Variants in C8orf34 observed in about 807,000 individuals in gnomAD.
The protein encoded by C8orf34 is uncharacterized protein C8orf34.
Under a neutral mutation model 68.3 loss-of-function variants are expected in C8orf34, and 65 were observed. The ratio of observed to expected loss-of-function variants is 0.95; its 90% CI spans 0.78 to 1.17. The LOEUF is 1.17. C8orf34 is among the 50% of genes most tolerant of loss of function. The pLI is 0.00. For missense variants in C8orf34, 664 were observed against 655.4 expected, an observed-to-expected ratio of 1.01 and a Z score of -0.14; for synonymous variants, 244 against 241.2, an observed-to-expected ratio of 1.01 and a Z score of -0.11.
At chr8:68,714,162 G>A (rs568025869) in intron 9 of C8orf34, among the ~76,000 whole-genome samples, 31 of 152,222 alleles carry the variant, frequency 2.0e-4, no homozygotes, top group African/African-American at 7.2e-4. Context: ...AGCCATCTAT[G>A]ACAAACCCAT....
intron 7 of C8orf34, among the ~76,000 whole-genome samples, chr8:68,607,293 G>A (rs1444390346): frequency 6.6e-6 from 1 of 152,012 alleles, no homozygotes; most frequent in African/African-American, 2.4e-5. Flanking sequence ...CCATAATAAC[G>A]TACTGTAGGG....
intron 7 of C8orf34, among the ~76,000 whole-genome samples, chr8:68,584,435 G>A (rs1325739694): frequency 6.6e-6 from 1 of 152,138 alleles, no homozygotes; most frequent in East Asian, 1.9e-4. Context: ...GAGATACATA[G>A]CTTTCTACGG....
At chr8:68,747,885 C>A (rs888159904) in intron 10 of C8orf34, among the ~76,000 whole-genome samples, 1 of 152,134 alleles carries the variant, frequency 6.6e-6, no homozygotes, top group African/African-American at 2.4e-5. Context: ...GAAAAAACTA[C>A]TTTAATGTTC....
At chr8:68,354,572 C>T (rs564579521) in intron 1 of C8orf34, among the ~76,000 whole-genome samples, 96 of 152,074 alleles carry the variant, frequency 6.3e-4, no homozygotes, top group Non-Finnish European at 1.2e-3. Context: ...GATGGGGCTG[C>T]ATCATCCTTC....
chr8:68,582,945 T>C (rs74740326), intron 7 of C8orf34, among the ~76,000 whole-genome samples: 4,048 of 152,182 alleles, frequency 0.027, 177 homozygotes, highest in African/African-American at 0.091. Context: ...AAGGTTTTGG[T>C]GCCTTCTCCA....
intron 2 of C8orf34, among the ~76,000 whole-genome samples, chr8:68,442,215 G>A (rs1268375203): frequency 6.6e-6 from 1 of 152,048 alleles, no homozygotes; most frequent in African/African-American, 2.4e-5. Context: ...GAAGATTGAA[G>A]TAAGGGCACC....
chr8:68,533,028 G>A lies in C8orf34; in HGVS notation c.984G>A (p.Gln328=), dbSNP rs778394766. 6.2e-7 allele frequency: 1 copy of A among 1,609,734 alleles called. No individual in the cohort carries two copies. Among genetic ancestry groups the A allele is most frequent in the African/African-American group, 1.3e-5 (1 of 74,758 alleles). The change falls in exon 7 of 14, where the codon CAG becomes CAA. Residue 328 remains glutamine (Q), a synonymous_variant. Transcript: ENST00000518698. The part of the protein sequence containing the change: ...PKNKGLKQQQ[Q]QHKKLLAAML... ...ACAAAGGATTAAAACAGCAGCAACA[G>A]CAACATAAGAAACTCCTGGCCGCAA...
intron 5 of C8orf34, among the ~76,000 whole-genome samples, chr8:68,491,322 T>C (rs1813303781): frequency 6.6e-6 from 1 of 152,270 alleles, no homozygotes; most frequent in South Asian, 2.1e-4. Flanking sequence ...ACTACTGTAT[T>C]GGCTTTCGAT....
At chr8:68,727,526 G>T (rs774191316) in intron 10 of C8orf34, among the ~76,000 whole-genome samples, 1 of 152,326 alleles carries the variant, frequency 6.6e-6, no homozygotes, top group Middle Eastern at 3.4e-3. Context: ...GACTCTGTGT[G>T]GGGGCTCCAC....
chr8:68,789,342 A>G (rs1365742859), intron 12 of C8orf34, among the ~76,000 whole-genome samples: 2 of 152,262 alleles, frequency 1.3e-5, no homozygotes, highest in Non-Finnish European at 2.9e-5. Flanking sequence ...TGAGTGTGCT[A>G]TATTTTATAA....
intron 3 of C8orf34, among the ~76,000 whole-genome samples, chr8:68,461,448 A>G (rs1332650624): frequency 6.6e-6 from 1 of 152,170 alleles, no homozygotes; most frequent in Non-Finnish European, 1.5e-5. Context: ...GAACGCCACA[A>G]AGATATTCCT....
intron 4 of C8orf34, among the ~76,000 whole-genome samples, chr8:68,473,186 G>T (rs558714474): frequency 7.8e-4 from 118 of 152,210 alleles, no homozygotes; most frequent in Non-Finnish European, 1.4e-3. Flanking sequence ...GCAAAAGAAA[G>T]AAAAAGGAGA....
chr8:68,419,811 C>T (rs1234656280), intron 1 of C8orf34, among the ~76,000 whole-genome samples: 1 of 120,440 alleles, frequency 8.3e-6, no homozygotes, highest in Admixed American at 1.2e-4. Context: ...GGGAACATCA[C>T]ACTCTGGGGA....
chr8:68,334,419 A>C (rs1305507094), intron 1 of C8orf34, among the ~76,000 whole-genome samples: 2 of 151,248 alleles, frequency 1.3e-5, no homozygotes, highest in Admixed American at 1.3e-4. Flanking sequence ...CTTACAAGAT[A>C]AATATTTGTA....
intron 8 of C8orf34, among the ~76,000 whole-genome samples, chr8:68,640,998 ATGTG>A (rs1818990754): frequency 5.3e-5 from 8 of 152,218 alleles, no homozygotes; most frequent in African/African-American, 1.7e-4. Context: ...CATATACTGT[ATGTG>A]GCCAAAGAAG....
chr8:68,437,987 C>T (rs1301843444), intron 1 of C8orf34: 1 of 152,092 alleles, frequency 6.6e-6, no homozygotes, highest in Non-Finnish European at 1.5e-5. Context: ...ACAGCAGTTT[C>T]TTATATAGCA....
intron 10 of C8orf34, among the ~76,000 whole-genome samples, chr8:68,732,691 CT>C (rs528935220): frequency 1.2e-3 from 181 of 152,228 alleles, no homozygotes; most frequent in African/African-American, 4.3e-3. Flanking sequence ...CCTAAAAGTT[CT>C]TCACATTTTC....
Position 68,590,175 on chromosome 8 carries a change from G to T in C8orf34, c.1106-50201G>T, listed in dbSNP as rs980438498. On this transcript the variant is annotated intron_variant, in intron 7 of 13. Transcript: ENST00000518698. The stretch of plus-strand genomic sequence containing the variant: ...GGAAAGGAAAGAAGGAAGGAGGAAA[G>T]ACAGGAAGAAAGGAAGAGAGAAAGG... Among the ~76,000 whole-genome samples, 9 of 125,220 alleles carry T rather than the reference G, an allele frequency of 7.2e-5. No homozygotes were observed. In the Admixed American group the frequency reaches 8.0e-4, roughly 11 times the overall value. The allele number at this position is 125,220 out of a possible 152,430, so 82.1% of individuals were successfully genotyped here. A position where few individuals can be genotyped will look rare whatever the true frequency, so the allele number is the denominator to read the frequency against.
intron 7 of C8orf34, among the ~76,000 whole-genome samples, chr8:68,556,282 G>A (rs1399451586): frequency 6.9e-6 from 1 of 145,262 alleles, no homozygotes. Context: ...CAGTATTAAG[G>A]AAGGAGGGAA....
Sources: allele counts gnomAD v4.1 joint callset (sites outside exome capture counted in the v4.1 genomes callset), GRCh38; gene constraint gnomAD v4.1.1; transcripts MANE v1.5; gene names NCBI Gene and HGNC (gene_info 2026-07-23, HGNC 2026-07-21).